PIK3CB: variants seen among roughly 807,000 people sequenced by gnomAD.
PIK3CB encodes phosphatidylinositol 4,5-bisphosphate 3-kinase catalytic subunit beta isoform.
In PIK3CB, 39 loss-of-function variants were observed where a neutral mutation model predicts 136.8. The observed-to-expected ratio is 0.29, with a 90% confidence interval of 0.22 to 0.37. The LOEUF (loss-of-function observed/expected upper bound fraction) is 0.37. Ranked by LOEUF, PIK3CB falls within the 10% of genes least tolerant of loss-of-function variation. The pLI is 1.00. For missense variants in PIK3CB, 868 were observed against 1,275.4 expected (o/e 0.68, Z 4.87); for synonymous variants, 428 against 436.6 (o/e 0.98, Z 0.25).
intron 19 of PIK3CB, among the ~76,000 whole-genome samples, chr3:138,666,061 A>C: frequency 6.6e-6 from 1 of 152,250 alleles, no homozygotes; most frequent in East Asian, 1.9e-4. Flanking sequence ...AGACCAATAC[A>C]TTCTGAAAAA....
rs528637790 is a variant in PIK3CB, at chr3:138,653,276, T to G, written c.*2113A>C. The G allele has an allele frequency of 5.6e-6, 1 of 177,202 alleles. No individual in the cohort carries two copies. The highest frequency in any genetic ancestry group is 1.2e-5 in the Non-Finnish European group (1 of 82,452). 11.0% of individuals were successfully genotyped at this position (177,202 alleles called of 1,614,324 possible). A position where few individuals can be genotyped will look rare whatever the true frequency, so the allele number is the denominator to read the frequency against. On this transcript the variant is annotated 3_prime_UTR_variant, in exon 24 of 24. Coordinates refer to ENST00000674063, the MANE Select transcript of PIK3CB (RefSeq NM_006219.3). ...AGGCATTGTGAGTAAAGAGCACAGA[T>G]AATTAAAATAGGCTTCTTACTTTCT... is the stretch of plus-strand genomic sequence containing the variant.
intron 19 of PIK3CB, among the ~76,000 whole-genome samples, chr3:138,672,910 G>GAAAAA (rs748631273): frequency 1.6e-5 from 1 of 61,358 alleles, no homozygotes; most frequent in East Asian, 5.1e-4. Flanking sequence ...AGACTCCGTT[G>GAAAAA]AAAAAAAAAA....
At chr3:138,797,785 C>T (rs952706048) in intron 1 of PIK3CB, among the ~76,000 whole-genome samples, 3 of 151,898 alleles carry the variant, frequency 2.0e-5, no homozygotes, top group Non-Finnish European at 4.4e-5. Flanking sequence ...GAACCTAAAA[C>T]TACTCCTAAA....
At chr3:138,800,849 C>A (rs372408405) in intron 1 of PIK3CB, among the ~76,000 whole-genome samples, 206 of 152,288 alleles carry the variant, frequency 1.4e-3, no homozygotes, top group African/African-American at 4.6e-3. Context: ...GGTCTCGGAC[C>A]TCCTGACCTC....
chr3:138,701,596 C>A (rs1577093054), intron 12 of PIK3CB, among the ~76,000 whole-genome samples: 1 of 151,824 alleles, frequency 6.6e-6, no homozygotes, highest in African/African-American at 2.4e-5. Context: ...ACCATCCTGG[C>A]CAACATGGTG....
intron 1 of PIK3CB, among the ~76,000 whole-genome samples, 165 bp downstream of exon 1, chr3:138,834,530 T>C (rs1405144632): frequency 1.3e-5 from 2 of 152,142 alleles, no homozygotes; most frequent in Non-Finnish European, 2.9e-5. Flanking sequence ...TAGGCGGTTA[T>C]CCTCCAAGCT....
chr3:138,766,010 A>G (rs2045728512), intron 2 of PIK3CB, among the ~76,000 whole-genome samples: 1 of 152,220 alleles, frequency 6.6e-6, no homozygotes, highest in Admixed American at 6.5e-5. Context: ...TAACAAACAT[A>G]TAAAATTCTT....
intron 21 of PIK3CB, among the ~76,000 whole-genome samples, chr3:138,659,194 A>T (rs1048086982): frequency 1.4e-4 from 22 of 152,224 alleles, no homozygotes; most frequent in Admixed American, 5.2e-4. Flanking sequence ...CTGTTTTCAT[A>T]TATTAACAAA....
At chr3:138,706,907 C>T (rs1168842650) in intron 11 of PIK3CB, among the ~76,000 whole-genome samples, 1 of 152,218 alleles carries the variant, frequency 6.6e-6, no homozygotes, top group Non-Finnish European at 1.5e-5. Flanking sequence ...CCACCCACCT[C>T]GGGCTCCCAA....
intron 1 of PIK3CB, among the ~76,000 whole-genome samples, chr3:138,800,428 T>C (rs1019762071): frequency 6.6e-6 from 1 of 151,512 alleles, no homozygotes; most frequent in African/African-American, 2.4e-5. Flanking sequence ...GGGCTAGGGA[T>C]CCTCCCACTT....
At chr3:138,712,510 T>C (rs907041546) in intron 9 of PIK3CB, among the ~76,000 whole-genome samples, 1 of 152,002 alleles carries the variant, frequency 6.6e-6, no homozygotes, top group Non-Finnish European at 1.5e-5. Context: ...CAATTAACAT[T>C]TCATAATAAA....
intron 1 of PIK3CB, among the ~76,000 whole-genome samples, chr3:138,832,216 A>G (rs1463999504): frequency 1.3e-5 from 2 of 152,232 alleles, no homozygotes; most frequent in African/African-American, 4.8e-5. Context: ...GTCTTTAAGA[A>G]CACCAAGAAA....
intron 2 of PIK3CB, among the ~76,000 whole-genome samples, chr3:138,781,674 C>T (rs1576410293): frequency 6.6e-6 from 1 of 152,194 alleles, no homozygotes; most frequent in East Asian, 1.9e-4. Context: ...AGGCTGCTCT[C>T]GAACTCCTGA....
intron 19 of PIK3CB, among the ~76,000 whole-genome samples, chr3:138,670,053 T>C (rs2043502273): frequency 6.6e-6 from 1 of 152,192 alleles, no homozygotes; most frequent in African/African-American, 2.4e-5. Flanking sequence ...GACAGACAAG[T>C]TCCTTTTTCT....
At chr3:138,747,063 T>TATAC (rs1342798442) in intron 4 of PIK3CB, among the ~76,000 whole-genome samples, 1 of 17,630 alleles carries the variant, frequency 5.7e-5, no homozygotes, top group African/African-American at 3.2e-4. Context: ...TTTATATATA[T>TATAC]ATATATATAT....
At chr3:138,762,341 T>C (rs1244510529) in intron 2 of PIK3CB, among the ~76,000 whole-genome samples, 2 of 152,256 alleles carry the variant, frequency 1.3e-5, no homozygotes, top group African/African-American at 2.4e-5. Flanking sequence ...TGAGGAGATA[T>C]AATGTCTAGT....
chr3:138,772,520 C>T lies in PIK3CB; in HGVS notation c.-16-13161G>A, dbSNP rs150152819. 7.1e-4 allele frequency among the ~76,000 whole-genome samples: 107 copies of T among 149,724 alleles called. No homozygotes were observed. The Middle Eastern group carries it at 0.011, about 16-fold the overall frequency. ...TTGCCCAGGCTGGAATGCAGTGGCA[C>T]GATCATGGTTCCCTGCAGCCTTGAC... On this transcript the variant is annotated intron_variant, in intron 2 of 23. Transcript: ENST00000674063.
chr3:138,771,862 C>G (rs897795764), intron 2 of PIK3CB, among the ~76,000 whole-genome samples: 3 of 144,248 alleles, frequency 2.1e-5, no homozygotes, highest in Non-Finnish European at 4.5e-5. Context: ...GTGGAGGCTA[C>G]AGTGAACCCT....
At chr3:138,808,019 T>C (rs754268855) in intron 1 of PIK3CB, among the ~76,000 whole-genome samples, 5 of 152,132 alleles carry the variant, frequency 3.3e-5, no homozygotes, top group Non-Finnish European at 5.9e-5. Flanking sequence ...ACACCACATG[T>C]TGCCTTTAGT....
Sources: allele counts gnomAD v4.1 joint callset (sites outside exome capture counted in the v4.1 genomes callset), GRCh38; gene constraint gnomAD v4.1.1; transcripts MANE v1.5; gene names NCBI Gene and HGNC (gene_info 2026-07-23, HGNC 2026-07-21).